The following FOXP2 variants were observed in gnomAD, a reference collection of about 807,000 sequenced individuals.
FOXP2 encodes forkhead box protein P2.
Under a neutral mutation model 115.8 loss-of-function variants are expected in FOXP2, and 12 were observed. That is an observed-to-expected ratio of 0.10 (90% CI 0.07 to 0.17). The LOEUF (loss-of-function observed/expected upper bound fraction) is 0.17, where lower values mean the gene tolerates loss of function less well. Ranked by LOEUF, FOXP2 falls within the 10% of genes least tolerant of loss-of-function variation. The pLI, the probability that FOXP2 is intolerant of heterozygous loss-of-function variation, is 1.00. For missense variants in FOXP2, 629 were observed against 843.5 expected (o/e 0.75, Z 3.15); for synonymous variants, 328 against 297.7 (o/e 1.10, Z -1.05).
chr7:114,146,117 C>A (rs1336531773), intron 1 of FOXP2, among the ~76,000 whole-genome samples: 1 of 152,130 alleles, frequency 6.6e-6, no homozygotes, highest in African/African-American at 2.4e-5. Context: ...GATTCAGAAA[C>A]CAACTCAGCC....
chr7:114,369,897 T>C (rs1791963329), intron 2 of FOXP2, among the ~76,000 whole-genome samples: 1 of 152,178 alleles, frequency 6.6e-6, no homozygotes, highest in Admixed American at 6.5e-5. Flanking sequence ...TCCCTGCTCA[T>C]TTCTATTATA....
chr7:114,384,261 G>A (rs12667224), intron 2 of FOXP2, among the ~76,000 whole-genome samples: 65,239 of 152,020 alleles, frequency 0.43, 16,080 homozygotes, highest in East Asian at 0.63. Flanking sequence ...GAGCTGGGCT[G>A]GGTTCCTGAG....
At chr7:114,578,176 A>T (rs946442341) in intron 3 of FOXP2, among the ~76,000 whole-genome samples, 1 of 151,952 alleles carries the variant, frequency 6.6e-6, no homozygotes, top group African/African-American at 2.4e-5. Flanking sequence ...AGTTGTAGGT[A>T]TAAGAGATTA....
chr7:114,297,202 T>C, intron 2 of FOXP2: 1 of 480,524 alleles, frequency 2.1e-6, no homozygotes, highest in Non-Finnish European at 4.1e-6. Context: ...GTCCCCACCC[T>C]TTTCTCGATG....
intron 2 of FOXP2, among the ~76,000 whole-genome samples, chr7:114,343,342 T>G (rs962941573): frequency 1.3e-5 from 2 of 151,576 alleles, no homozygotes; most frequent in African/African-American, 4.8e-5. Context: ...TCATACTTAC[T>G]CAAAGCTCAC....
At chr7:114,288,096 T>C (rs2129175979) in exon 2 of FOXP2, 1 of 453,304 alleles carries the variant, frequency 2.2e-6, no homozygotes, top group Non-Finnish European at 4.4e-6. Flanking sequence ...TTGTGGAAGA[T>C]CTGGAAGAAA....
intron 1 of FOXP2, among the ~76,000 whole-genome samples, chr7:114,114,508 G>T (rs528673152): frequency 6.6e-6 from 1 of 152,030 alleles, no homozygotes; most frequent in East Asian, 1.9e-4. Context: ...ATTATGAGAC[G>T]GACTAAGATA....
chr7:114,382,551 C>A (rs1326639192), intron 2 of FOXP2, among the ~76,000 whole-genome samples: 2 of 152,144 alleles, frequency 1.3e-5, no homozygotes, highest in Non-Finnish European at 2.9e-5. Flanking sequence ...TGTTCCAGAA[C>A]CTCCAAAGTC....
At chr7:114,550,932 A>G (rs575787893) in intron 3 of FOXP2, among the ~76,000 whole-genome samples, 66 of 152,358 alleles carry the variant, frequency 4.3e-4, no homozygotes, top group South Asian at 2.9e-3. Context: ...TGGCGTTTCC[A>G]TACAATAATT....
chr7:114,635,479 AATT>A (rs1805168926), intron 6 of FOXP2, among the ~76,000 whole-genome samples: 1 of 152,182 alleles, frequency 6.6e-6, no homozygotes, highest in Non-Finnish European at 1.5e-5. Context: ...TTCATCACTG[AATT>A]GAAGTTTTAA....
rs117674088 is a variant in FOXP2, at chr7:114,099,414, G to A, written c.-247+11576G>A. On this transcript the variant is annotated intron_variant, in intron 1 of 19. Transcript: ENST00000635638. ...TGTGCAGAAAAGGCACCTCTTGTCC[G>A]CTTTGGTGTGAATGTAGATTGGTAT... Among the ~76,000 whole-genome samples the A allele has an allele frequency of 9.8e-3, 1,492 of 152,230 alleles. 17 individuals carry two copies. The highest frequency in any genetic ancestry group is 0.037 in the Middle Eastern group (11 of 294).
chr7:114,237,946 G>C (rs573685771), intron 1 of FOXP2, among the ~76,000 whole-genome samples: 1 of 152,266 alleles, frequency 6.6e-6, no homozygotes, highest in South Asian at 2.1e-4. Context: ...CTGCACTTCA[G>C]CCTGGGCAGC....
At chr7:114,538,286 A>G (rs1465080002) in intron 3 of FOXP2, 6 of 1,247,652 alleles carry the variant, frequency 4.8e-6, no homozygotes, top group Non-Finnish European at 6.4e-6. Context: ...TAGTTTAGAT[A>G]TGAAAATTGG....
chr7:114,563,027 C>T (rs1039443060), intron 3 of FOXP2, among the ~76,000 whole-genome samples: 3 of 152,130 alleles, frequency 2.0e-5, no homozygotes, highest in African/African-American at 7.2e-5. Context: ...GCACATCTTA[C>T]ATAGCAGCAG....
intron 16 of FOXP2, among the ~76,000 whole-genome samples, chr7:114,680,007 C>G (rs1329941161): frequency 2.6e-5 from 4 of 152,132 alleles, no homozygotes; most frequent in African/African-American, 9.7e-5. Context: ...TTTTCCACTT[C>G]TAACAAGAAG....
intron 3 of FOXP2, among the ~76,000 whole-genome samples, chr7:114,587,270 C>G (rs1328806718): frequency 6.6e-6 from 1 of 151,956 alleles, no homozygotes; most frequent in Non-Finnish European, 1.5e-5. Flanking sequence ...ATGTTTCCCT[C>G]CCTGTGTCCC....
intron 3 of FOXP2, among the ~76,000 whole-genome samples, chr7:114,594,206 ACAATGAAGT>A (rs1458001085): frequency 2.6e-5 from 4 of 152,044 alleles, no homozygotes; most frequent in Non-Finnish European, 5.9e-5. Context: ...ATTCCTTCAT[ACAATGAAGT>A]ATAGAGAATT....
Position 114,422,703 on chromosome 7 carries a change from A to G in FOXP2, c.-10-3799A>G, listed in dbSNP as rs530648539. On this transcript the variant is annotated intron_variant, in intron 1 of 16. Transcript: ENST00000350908. ...CCCTGGTGGTGGCTGAGATAACACA[A>G]TTAACTATGCTTGTCCAGGTCAAGT... is the stretch of plus-strand genomic sequence containing the variant. Among the ~76,000 whole-genome samples, 29 of 151,790 alleles carry G rather than the reference A, an allele frequency of 1.9e-4. 1 individual carries two copies. The South Asian group carries it at 6.0e-3, about 31-fold the overall frequency.
chr7:114,095,070 A>G (rs1010518930), intron 1 of FOXP2, among the ~76,000 whole-genome samples: 8 of 152,200 alleles, frequency 5.3e-5, no homozygotes, highest in African/African-American at 1.4e-4. Context: ...AATGAAGATG[A>G]ATAGTTGTGA....
Sources: allele counts gnomAD v4.1 joint callset (sites outside exome capture counted in the v4.1 genomes callset), GRCh38; gene constraint gnomAD v4.1.1; transcripts MANE v1.5; gene names NCBI Gene and HGNC (gene_info 2026-07-23, HGNC 2026-07-21).